The following TAF1B variants were observed in gnomAD, a reference collection of about 807,000 sequenced individuals.
The protein encoded by TAF1B is TATA box-binding protein-associated factor RNA polymerase I subunit B.
TAF1B carries 61 observed loss-of-function variants against 83.9 expected under a neutral mutation model. The observed-to-expected ratio is 0.73, with a 90% CI of 0.59 to 0.90. The LOEUF is 0.90. Among genes scored for constraint, TAF1B ranks in the 40% least tolerant of loss-of-function variants. The probability of loss-of-function intolerance (pLI) is 0.00; values close to 1 mark genes in which losing one functional copy is unlikely to be tolerated. For synonymous variants in TAF1B, 221 were observed against 224.6 expected (o/e 0.98, Z 0.14); for missense variants, 625 against 677.0 (o/e 0.92, Z 0.85).
chr2:9,877,896 C>G (rs533721448), intron 7 of TAF1B, among the ~76,000 whole-genome samples: 1 of 152,086 alleles, frequency 6.6e-6, no homozygotes, highest in East Asian at 1.9e-4. Context: ...TTCTAAAATG[C>G]CTTCAAGGAG....
chr2:9,852,698 C>T (rs1572213699), intron 4 of TAF1B, among the ~76,000 whole-genome samples: 2 of 152,098 alleles, frequency 1.3e-5, no homozygotes, highest in African/African-American at 2.4e-5. Context: ...CACCATGTTG[C>T]TCAGCCTGGG....
rs1020300673 is a variant in TAF1B, at chr2:9,889,460, C to T, written c.807+6655C>T. 5.9e-5 allele frequency among the ~76,000 whole-genome samples: 9 copies of T among 151,498 alleles called. 1 individual carries two copies. The South Asian group carries it at 1.9e-3, about 32-fold the overall frequency. On this transcript the variant is annotated intron_variant, in intron 8 of 14. Transcript: ENST00000263663. ...CTTGCATTTTAGTCTTATTTCTTCTCTTTCTCTTCTCATTATGTTCTTGTT... is the reference window on the plus strand; with the variant it reads ...CTTGCATTTTAGTCTTATTTCTTCTTTTTCTCTTCTCATTATGTTCTTGTT...
intron 6 of TAF1B, among the ~76,000 whole-genome samples, chr2:9,873,196 G>C (rs933029947): frequency 6.6e-6 from 1 of 152,178 alleles, no homozygotes; most frequent in African/African-American, 2.4e-5. Flanking sequence ...GGGACATAAT[G>C]GTGGCAAGAC....
At chr2:9,882,360 A>G (rs532589867) in intron 7 of TAF1B, among the ~76,000 whole-genome samples, 1 of 152,288 alleles carries the variant, frequency 6.6e-6, no homozygotes, top group African/African-American at 2.4e-5. Context: ...GGCCTCCCAA[A>G]GTGCTGGGAT....
chr2:9,923,970 C>T lies in TAF1B; in HGVS notation c.1565+4150C>T, dbSNP rs550769054. 3.3e-5 allele frequency among the ~76,000 whole-genome samples: 5 copies of T among 152,250 alleles called. No individual in the cohort carries two copies. In the South Asian group the frequency reaches 1.0e-3, roughly 32 times the overall value. The stretch of plus-strand genomic sequence containing the variant: ...TGATCCGTACCTTTGTGCTTTTTCA[C>T]AGGGCAGGAGGGTGGATTGTGGATT... On this transcript the variant is annotated intron_variant, in intron 14 of 14. Transcript: ENST00000263663.
At chr2:9,927,588 T>C (rs1303206321) in intron 14 of TAF1B, among the ~76,000 whole-genome samples, 1 of 152,226 alleles carries the variant, frequency 6.6e-6, no homozygotes, top group African/African-American at 2.4e-5. Context: ...TGGTATCTCA[T>C]TGTGGTTTTG....
intron 2 of TAF1B, among the ~76,000 whole-genome samples, chr2:9,847,055 T>TAC (rs1236996690): frequency 6.6e-6 from 1 of 152,236 alleles, no homozygotes. Context: ...TGAACTACAT[T>TAC]AACTAATTGC....
At chr2:9,852,579 CCTCCCGTGTTCAAGCAATT>C (rs1663430792) in intron 4 of TAF1B, among the ~76,000 whole-genome samples, 1 of 152,148 alleles carries the variant, frequency 6.6e-6, no homozygotes, top group Non-Finnish European at 1.5e-5. Context: ...GCAACCTCCA[CCTCCCGTGTTCAAGCAATT>C]CTCCTGTCTC....
At chr2:9,901,155 A>C (rs6432044) in intron 8 of TAF1B, among the ~76,000 whole-genome samples, 88,895 of 151,972 alleles carry the variant, frequency 0.58, 26,236 homozygotes, top group East Asian at 0.67. Context: ...CATAACAATG[A>C]GGCAAGACTG....
In TAF1B at chr2:9,875,804, T is replaced by A. The variant is rs113425747; in HGVS notation, c.554-61T>A. On this transcript the variant is annotated intron_variant, in intron 6 of 14. Coordinates refer to ENST00000263663, the MANE Select transcript of TAF1B (RefSeq NM_005680.3). ...AAATGCCTGTTTAGATTTTTTGCTG[T>A]TTTTCTTTTGTTATCCAAATAGTTC... 1.9e-4 allele frequency: 290 copies of A among 1,497,570 alleles called. 2 individuals carry two copies. In the African/African-American group the frequency reaches 3.3e-3, roughly 17 times the overall value. 92.8% of individuals were successfully genotyped at this position (1,497,570 alleles called of 1,614,324 possible). A position where few individuals can be genotyped will look rare whatever the true frequency, so the allele number is the denominator to read the frequency against.
intron 7 of TAF1B, among the ~76,000 whole-genome samples, chr2:9,877,409 G>T (rs1422570454): frequency 6.6e-6 from 1 of 152,020 alleles, no homozygotes; most frequent in Non-Finnish European, 1.5e-5. Context: ...AGAAGCCTAG[G>T]AATCATCCTT....
intron 6 of TAF1B, among the ~76,000 whole-genome samples, chr2:9,870,438 G>A (rs1183096994): frequency 6.6e-6 from 1 of 152,112 alleles, no homozygotes; most frequent in East Asian, 1.9e-4. Context: ...AGTGCGCTGT[G>A]ATCATCCCAC....
chr2:9,904,841 GTCTC>G lies in TAF1B; in HGVS notation c.808-14_808-11del, dbSNP rs757838340. ...TGTTGCAAAAATTGCAACTATGATG[GTCTC>G]TCTTTTATTTCAGTCTTGGCCTGAC... On this transcript the variant is annotated splice_polypyrimidine_tract_variant and intron_variant, in intron 8 of 14. Coordinates refer to ENST00000263663, the MANE Select transcript of TAF1B (RefSeq NM_005680.3). 6 of 1,602,376 alleles carry G rather than the reference GTCTC, an allele frequency of 3.7e-6. No individual in the cohort carries two copies. Among genetic ancestry groups the G allele is most frequent in the African/African-American group, 1.3e-5 (1 of 74,418 alleles).
chr2:9,920,529 T>G (rs1222589614), intron 14 of TAF1B, among the ~76,000 whole-genome samples: 1 of 140,540 alleles, frequency 7.1e-6, no homozygotes, highest in Non-Finnish European at 1.5e-5. Flanking sequence ...ACAAGTGCCG[T>G]GTCCTCCTCA....
At chr2:9,892,443 G>C (rs1664899238) in intron 8 of TAF1B, among the ~76,000 whole-genome samples, 1 of 152,140 alleles carries the variant, frequency 6.6e-6, no homozygotes, top group Admixed American at 6.5e-5. Context: ...TCTGTCTTCT[G>C]AAACTTTGTA....
chr2:9,927,020 C>G (rs1353059020), intron 14 of TAF1B, among the ~76,000 whole-genome samples: 2 of 7,422 alleles, frequency 2.7e-4, no homozygotes, highest in African/African-American at 5.3e-4. Flanking sequence ...GTCCCTCCCC[C>G]TGCCCCCACC....
chr2:9,932,945 G>C (rs1666262271), intron 14 of TAF1B, among the ~76,000 whole-genome samples: 1 of 152,248 alleles, frequency 6.6e-6, no homozygotes, highest in Non-Finnish European at 1.5e-5. Context: ...CACTAGCAGT[G>C]AGCAAGGCTC....
At chr2:9,928,551 G>C in intron 14 of TAF1B, among the ~76,000 whole-genome samples, 1 of 152,148 alleles carries the variant, frequency 6.6e-6, no homozygotes, top group Non-Finnish European at 1.5e-5. Flanking sequence ...GTGGTTTGTA[G>C]TTCTCCTTGA....
intron 14 of TAF1B, among the ~76,000 whole-genome samples, chr2:9,924,017 T>A (rs570909561): frequency 1.3e-5 from 2 of 152,300 alleles, no homozygotes; most frequent in South Asian, 4.1e-4. Flanking sequence ...AATACTGCAG[T>A]ATAATGCAGT....
Sources: gnomAD v4.1 joint callset for allele counts (sites outside exome capture counted in the v4.1 genomes callset) on GRCh38, gnomAD v4.1.1 for gene constraint, MANE v1.5 for transcripts, NCBI Gene and HGNC (gene_info 2026-07-23, HGNC 2026-07-21) for gene names.